LYRM1: variants seen among roughly 807,000 people sequenced by gnomAD.
LYRM1 encodes LYR motif-containing protein 1.
Under a neutral mutation model 14.9 loss-of-function variants are expected in LYRM1, and 14 were observed. The ratio of observed to expected loss-of-function variants is 0.94; its 90% CI spans 0.62 to 1.47. LYRM1 has a LOEUF of 1.47. Among genes scored for constraint, LYRM1 ranks in the 40% most tolerant of loss-of-function variants. The probability of loss-of-function intolerance (pLI) is 0.00; values close to 1 mark genes in which losing one functional copy is unlikely to be tolerated. For missense variants in LYRM1, 153 were observed against 149.9 expected, an observed-to-expected ratio of 1.02 and a Z score of -0.11; for synonymous variants, 43 against 56.2, an observed-to-expected ratio of 0.77 and a Z score of 1.05.
chr16:20,916,330 G>C (rs575415957), intron 2 of LYRM1, among the ~76,000 whole-genome samples: 1 of 152,238 alleles, frequency 6.6e-6, no homozygotes, highest in East Asian at 1.9e-4. Context: ...ACCCTAAAGC[G>C]TTAGCTGTTA....
At chr16:20,912,339 G>A (rs947378634) in intron 1 of LYRM1, among the ~76,000 whole-genome samples, 10 of 151,530 alleles carry the variant, frequency 6.6e-5, no homozygotes, top group African/African-American at 2.4e-4. Flanking sequence ...GCGCAATCTC[G>A]GCTCACTGCC....
intron 1 of LYRM1, among the ~76,000 whole-genome samples, chr16:20,913,373 C>A (rs1025842355): frequency 6.7e-6 from 1 of 148,466 alleles, no homozygotes; most frequent in Non-Finnish European, 1.5e-5. Flanking sequence ...AATACAGTGG[C>A]GTGATCTTGG....
intron 1 of LYRM1, among the ~76,000 whole-genome samples, chr16:20,913,887 C>T (rs1038339831): frequency 6.6e-6 from 1 of 151,938 alleles, no homozygotes; most frequent in Non-Finnish European, 1.5e-5. Flanking sequence ...CAGCTTACTG[C>T]AAGCTCCGCC....
At chr16:20,917,499 C>T (rs1306871687) in intron 2 of LYRM1, among the ~76,000 whole-genome samples, 1 of 152,062 alleles carries the variant, frequency 6.6e-6, no homozygotes, top group African/African-American at 2.4e-5. Flanking sequence ...GTGGCTCACG[C>T]CTATAATCCT....
intron 2 of LYRM1, among the ~76,000 whole-genome samples, chr16:20,916,378 A>G (rs1469411366): frequency 2.0e-5 from 3 of 152,130 alleles, no homozygotes; most frequent in African/African-American, 4.8e-5. Context: ...GCATGGAAAA[A>G]GGCTTTCACA....
intron 2 of LYRM1, among the ~76,000 whole-genome samples, chr16:20,916,414 T>G (rs1242780106): frequency 1.3e-5 from 2 of 152,194 alleles, no homozygotes; most frequent in Admixed American, 1.3e-4. Context: ...GTCTCCTCAC[T>G]GATCTAATGG....
intron 1 of LYRM1, among the ~76,000 whole-genome samples, chr16:20,902,255 G>C (rs1224692166): frequency 6.6e-6 from 1 of 152,186 alleles, no homozygotes; most frequent in Non-Finnish European, 1.5e-5. Context: ...AACTCCCTAC[G>C]GGAAAACAGT....
intron 1 of LYRM1, among the ~76,000 whole-genome samples, chr16:20,904,726 T>TGTGTGTG (rs1567442660): frequency 6.6e-5 from 10 of 151,448 alleles, no homozygotes; most frequent in African/African-American, 9.7e-5. Flanking sequence ...TGTGTGTGTG[T>TGTGTGTG]TTAATTGATA....
chr16:20,920,340 G>C, intron 3 of LYRM1, 126 bp downstream of exon 3: 1 of 747,670 alleles, frequency 1.3e-6, no homozygotes, highest in Non-Finnish European at 2.4e-6. Context: ...AGGCATGTTG[G>C]AAATAAGCTA....
intron 1 of LYRM1, among the ~76,000 whole-genome samples, chr16:20,910,016 C>CT (rs1216692047): frequency 6.6e-6 from 1 of 152,074 alleles, no homozygotes. Flanking sequence ...AACAGAGAGC[C>CT]CCAACCCAAT....
chr16:20,904,101 C>T (rs868101718), intron 1 of LYRM1, among the ~76,000 whole-genome samples: 1 of 152,086 alleles, frequency 6.6e-6, no homozygotes, highest in South Asian at 2.1e-4. Context: ...CTGACTGACC[C>T]GTACCTTTTC....
At position 20,915,637 on chromosome 16, in the gene LYRM1, G is replaced by A. The variant is rs762772412; in HGVS notation, c.82G>A (p.Gly28Arg). Reference sequence around the variant, plus strand: ...TGCGAGGAAATGGCAGGCGACATCAGGGCAGATGGAAGACACCATCAAAGA... The same window carrying A: ...TGCGAGGAAATGGCAGGCGACATCAAGGCAGATGGAAGACACCATCAAAGA... ...RLARKWQATS[G>R]QMEDTIKEKQ... The change falls in exon 2 of 4, where the codon GGG becomes AGG. Residue 28 changes from glycine (G) to arginine (R), a missense_variant. Coordinates refer to ENST00000567954, the MANE Select transcript of LYRM1 (RefSeq NM_001128302.3). 341 of 1,613,972 alleles carry A rather than the reference G, an allele frequency of 2.1e-4. No individual in the cohort carries two copies. Among genetic ancestry groups the A allele is most frequent in the Non-Finnish European group, 2.8e-4 (336 of 1,180,018 alleles).
At position 20,920,156 on chromosome 16, in the gene LYRM1, A is replaced by C. The variant is rs765292963; in HGVS notation, c.194A>C (p.Asp65Ala). 1.2e-6 allele frequency: 2 copies of C among 1,614,118 alleles called. No individual in the cohort carries two copies. The highest frequency in any genetic ancestry group is 2.2e-5 in the South Asian group (2 of 91,082). ...ACAGACCTAATTAAACAGTGTATAG[A>C]TGAATGCACAGCCAGGATTGAAATT... Reference protein sequence around the residue: ...TDTDLIKQCIDECTARIEIGL... With the variant: ...TDTDLIKQCIAECTARIEIGL... The change falls in exon 3 of 4, where the codon GAT becomes GCT. Residue 65 changes from aspartate (D) to alanine (A), a missense_variant. By Grantham distance (126) the Asp-to-Ala change is moderately radical. Coordinates refer to ENST00000567954, the MANE Select transcript of LYRM1 (RefSeq NM_001128302.3).
At chr16:20,905,535 A>G (rs1201822287) in intron 1 of LYRM1, among the ~76,000 whole-genome samples, 2 of 152,208 alleles carry the variant, frequency 1.3e-5, no homozygotes, top group Non-Finnish European at 2.9e-5. Flanking sequence ...AGGTTTTCCA[A>G]ATGATAGTTT....
intron 3 of LYRM1, chr16:20,921,544 C>T (rs992235950): frequency 1.3e-5 from 2 of 151,166 alleles, no homozygotes; most frequent in Non-Finnish European, 1.5e-5. Context: ...GAACTACAGT[C>T]GTGCACCACC....
chr16:20,919,876 AGAG>A (rs1169292616), intron 2 of LYRM1, among the ~76,000 whole-genome samples: 2 of 152,264 alleles, frequency 1.3e-5, no homozygotes, highest in Non-Finnish European at 2.9e-5. Context: ...GAACTGGAAT[AGAG>A]GAGTAAGAGG....
chr16:20,916,018 T>A (rs2082875206), intron 2 of LYRM1, among the ~76,000 whole-genome samples: 1 of 152,326 alleles, frequency 6.6e-6, no homozygotes, highest in East Asian at 1.9e-4. Flanking sequence ...GTCCTCATAC[T>A]GTACCAGTTG....
rs34168436 is a variant in LYRM1 at position 20,924,040 on chromosome 16, G to A, written c.293G>A (p.Arg98Gln). 4,496 of 1,611,450 alleles carry A rather than the reference G, an allele frequency of 2.8e-3. 10 individuals carry two copies. The highest frequency in any genetic ancestry group is 3.6e-3 in the Non-Finnish European group (4,202 of 1,177,948). ...PPMGLTPLRG[R>Q]GLRSQEKLRK... ...ATGGGCCTTACCCCACTCCGAGGCC[G>A]GGGACTTCGAAGCCAAGAGAAACTG... is the stretch of plus-strand genomic sequence containing the variant. The change falls in exon 4 of 4, where the codon CGG (arginine) becomes CAG (glutamine). Residue 98 changes from arginine (R) to glutamine (Q), a missense_variant. Coordinates refer to ENST00000567954, the MANE Select transcript of LYRM1 (RefSeq NM_001128302.3).
At chr16:20,923,842 T>C (rs1250994981) in intron 3 of LYRM1, among the ~76,000 whole-genome samples, 158 bp from the exon 4 acceptor site, 1 of 152,156 alleles carries the variant, frequency 6.6e-6, no homozygotes, top group South Asian at 2.1e-4. Context: ...AATAATCCCT[T>C]ATGAGGTTGT....
Sources: allele counts gnomAD v4.1 joint callset (sites outside exome capture counted in the v4.1 genomes callset), GRCh38; gene constraint gnomAD v4.1.1; transcripts MANE v1.5; gene names NCBI Gene and HGNC (gene_info 2026-07-23, HGNC 2026-07-21).